CSMD1: variants seen among roughly 807,000 people sequenced by gnomAD.
The protein encoded by CSMD1 is CUB and sushi domain-containing protein 1.
In CSMD1, 213 loss-of-function variants were observed where a neutral mutation model predicts 417.5. The observed-to-expected ratio is 0.51, with a 90% CI of 0.46 to 0.57. The LOEUF (loss-of-function observed/expected upper bound fraction) is 0.57. Among genes scored for constraint, CSMD1 ranks in the 20% least tolerant of loss-of-function variants. The probability of loss-of-function intolerance (pLI) is 0.00; values close to 1 mark genes in which losing one functional copy is unlikely to be tolerated. For synonymous variants in CSMD1, 2,862 were observed against 1,736.8 expected (o/e 1.65, Z -16.11); for missense variants, 6,923 against 4,529.7 (o/e 1.53, Z -15.17).
At chr8:4,905,776 T>A (rs562753895) in intron 1 of CSMD1, among the ~76,000 whole-genome samples, 1 of 139,494 alleles carries the variant, frequency 7.2e-6, no homozygotes, top group Admixed American at 8.2e-5. Context: ...GCCGAGATTG[T>A]GCCACTGCAC....
chr8:3,602,185 T>C (rs1017182230), intron 8 of CSMD1, among the ~76,000 whole-genome samples: 2 of 152,218 alleles, frequency 1.3e-5, no homozygotes, highest in Non-Finnish European at 1.5e-5. Context: ...ACATTCTCTT[T>C]AAAAATCTTC....
chr8:4,132,995 G>A lies in CSMD1; in HGVS notation c.416-100896C>T, dbSNP rs1050212779. 4.6e-5 allele frequency among the ~76,000 whole-genome samples: 7 copies of A among 152,178 alleles called. No homozygotes were observed. In the South Asian group the frequency reaches 1.0e-3, roughly 23 times the overall value. Reference sequence around the variant, plus strand: ...GTTATCCAGGCTGCAGTGCAGTGGCGCGATCTCGGCTCACTGCAACCTCCG... The same window carrying A: ...GTTATCCAGGCTGCAGTGCAGTGGCACGATCTCGGCTCACTGCAACCTCCG... On this transcript the variant is annotated intron_variant, in intron 3 of 69. Coordinates refer to ENST00000635120, the MANE Select transcript of CSMD1 (RefSeq NM_033225.6).
At chr8:4,810,822 G>T (rs1041271663) in intron 1 of CSMD1, among the ~76,000 whole-genome samples, 3 of 152,190 alleles carry the variant, frequency 2.0e-5, no homozygotes, top group South Asian at 2.1e-4. Context: ...GAACGAAGAC[G>T]AGAACTTTAT....
chr8:4,282,248 T>C (rs1210202811), intron 3 of CSMD1, among the ~76,000 whole-genome samples: 1 of 152,108 alleles, frequency 6.6e-6, no homozygotes, highest in East Asian at 1.9e-4. Context: ...CATGCAAAGG[T>C]GAATATAATC....
rs568948101 is a variant in CSMD1 at position 4,389,946 on chromosome 8, C to G, written c.415+30007G>C. ...TAGGATGAATAGCTCTGTGTATGTC[C>G]TATGATATGCATGCATGATGTACTT... On this transcript the variant is annotated intron_variant, in intron 3 of 69. Coordinates refer to ENST00000635120, the MANE Select transcript of CSMD1 (RefSeq NM_033225.6). Among the ~76,000 whole-genome samples, 49 of 152,256 alleles carry G rather than the reference C, an allele frequency of 3.2e-4. No homozygotes were observed. In the Middle Eastern group the frequency reaches 0.01, roughly 32 times the overall value.
Position 3,151,116 on chromosome 8 carries a change from T to C in CSMD1, c.6031+281A>G, listed in dbSNP as rs1187335349. 1.9e-5 allele frequency: 5 copies of C among 259,870 alleles called. No homozygotes were observed. The East Asian group carries it at 3.0e-4, about 15-fold the overall frequency. 16.1% of individuals were successfully genotyped at this position (259,870 alleles called of 1,614,324 possible). On this transcript the variant is annotated intron_variant, in intron 40 of 69. Coordinates refer to ENST00000635120, the MANE Select transcript of CSMD1 (RefSeq NM_033225.6). ...GAGCTATTATAAATAAAGAGATTGA[T>C]AATTGAATTAGGGATGCTATATTTT...
chr8:4,648,665 G>C (rs1350381030), intron 1 of CSMD1, among the ~76,000 whole-genome samples: 1 of 152,148 alleles, frequency 6.6e-6, no homozygotes, highest in Non-Finnish European at 1.5e-5. Context: ...AGACAACCAT[G>C]TTTCACCTTT....
rs143367109 is a variant in CSMD1 at position 3,569,273 on chromosome 8, G to C, written c.1344+5672C>G. 3.2e-3 allele frequency among the ~76,000 whole-genome samples: 494 copies of C among 152,272 alleles called. 5 individuals carry two copies. Among genetic ancestry groups the C allele is most frequent in the African/African-American group, 0.011 (455 of 41,556 alleles). On this transcript the variant is annotated intron_variant, in intron 10 of 69. Coordinates refer to ENST00000635120, the MANE Select transcript of CSMD1 (RefSeq NM_033225.6). The stretch of plus-strand genomic sequence containing the variant: ...TGTTCCTTTTGACATGATATAGCAT[G>C]ATAACATGTGATGTGCATTATTAGG...
chr8:3,756,338 C>G (rs547043607), intron 5 of CSMD1, among the ~76,000 whole-genome samples: 53 of 131,452 alleles, frequency 4.0e-4, no homozygotes, highest in African/African-American at 1.5e-3. Flanking sequence ...GGGCAACACA[C>G]TGAGACTCCA....
chr8:4,760,651 T>C (rs1811979405), intron 1 of CSMD1, among the ~76,000 whole-genome samples: 1 of 152,238 alleles, frequency 6.6e-6, no homozygotes, highest in Non-Finnish European at 1.5e-5. Flanking sequence ...TATGCTGGTA[T>C]CATGAGTAAC....
chr8:3,988,121 T>G (rs1043300792), intron 5 of CSMD1, among the ~76,000 whole-genome samples: 1 of 152,192 alleles, frequency 6.6e-6, no homozygotes, highest in African/African-American at 2.4e-5. Flanking sequence ...TGATGTCACC[T>G]CTTATTCATA....
At position 4,674,109 on chromosome 8, in the gene CSMD1, T is replaced by A. The variant is rs1371878857; in HGVS notation, c.86-36551A>T. On this transcript the variant is annotated intron_variant, in intron 1 of 69. Transcript: ENST00000635120. ...CATTATTCTCTTTATATAAACCAGATTCAAACATTGGCCATCTCACAGCAG... is the reference window on the plus strand; with the variant it reads ...CATTATTCTCTTTATATAAACCAGAATCAAACATTGGCCATCTCACAGCAG... 2.0e-5 allele frequency among the ~76,000 whole-genome samples: 3 copies of A among 152,272 alleles called. No individual in the cohort carries two copies. The South Asian group carries it at 6.2e-4, about 32-fold the overall frequency.
intron 2 of CSMD1, among the ~76,000 whole-genome samples, chr8:4,632,437 G>C (rs1162922607): frequency 6.6e-6 from 1 of 152,142 alleles, no homozygotes; most frequent in East Asian, 1.9e-4. Context: ...GCTTAAACCG[G>C]AGAGGAGGAG....
In CSMD1 at chr8:4,540,455, G is replaced by T. The variant is rs79629270; in HGVS notation, c.302+96887C>A. Among the ~76,000 whole-genome samples the T allele has an allele frequency of 4.8e-3, 727 of 152,236 alleles. 15 individuals are homozygous for T. The highest frequency in any genetic ancestry group is 0.017 in the African/African-American group (692 of 41,556). On this transcript the variant is annotated intron_variant, in intron 2 of 69. Coordinates refer to ENST00000635120, the MANE Select transcript of CSMD1 (RefSeq NM_033225.6). ...CAGTGGCTCATGCCTGTAATTCCAG[G>T]ACTTAGGGGAGGCTGAGGCAGGAGA...
chr8:4,785,792 T>G (rs12680259), intron 1 of CSMD1, among the ~76,000 whole-genome samples: 16,247 of 152,156 alleles, frequency 0.11, 1,030 homozygotes, highest in East Asian at 0.32. Context: ...TTATAAGATA[T>G]AAGTGTTGCC....
At chr8:4,635,320 C>G (rs1472704356) in intron 2 of CSMD1, among the ~76,000 whole-genome samples, 2 of 152,106 alleles carry the variant, frequency 1.3e-5, no homozygotes, top group African/African-American at 2.4e-5. Context: ...ATTGTTCTAA[C>G]TTAATATTTC....
At chr8:4,407,244 T>G (rs577758295) in intron 3 of CSMD1, among the ~76,000 whole-genome samples, 3 of 152,196 alleles carry the variant, frequency 2.0e-5, no homozygotes, top group South Asian at 2.1e-4. Context: ...AGGATGTCAA[T>G]GGAATGTTTA....
intron 3 of CSMD1, among the ~76,000 whole-genome samples, chr8:4,330,746 C>T (rs1472555050): frequency 6.6e-6 from 1 of 152,102 alleles, no homozygotes; most frequent in Admixed American, 6.5e-5. Flanking sequence ...TATCTGCATT[C>T]CTGTCTTTCC....
At chr8:3,788,389 G>C (rs7002245) in intron 5 of CSMD1, among the ~76,000 whole-genome samples, 83,441 of 152,008 alleles carry the variant, frequency 0.55, 24,929 homozygotes, top group Non-Finnish European at 0.68. Flanking sequence ...GCCTTCATTG[G>C]TCACAGAAGA....
Sources: allele counts gnomAD v4.1 joint callset (sites outside exome capture counted in the v4.1 genomes callset), GRCh38; gene constraint gnomAD v4.1.1; transcripts MANE v1.5; gene names NCBI Gene and HGNC (gene_info 2026-07-23, HGNC 2026-07-21).